The following PEX16 variants were observed in gnomAD, a reference collection of about 807,000 sequenced individuals.
The protein encoded by PEX16 is peroxisomal biogenesis factor 16, also known as peroxin 16.
PEX16 carries 37 observed loss-of-function variants against 50.5 expected under a neutral mutation model. The observed-to-expected ratio is 0.73, with a 90% confidence interval of 0.56 to 0.96. The LOEUF (loss-of-function observed/expected upper bound fraction) is 0.96, where lower values mean the gene tolerates loss of function less well. Among genes scored for constraint, PEX16 ranks in the 40% least tolerant of loss-of-function variants. The pLI is 0.00. For synonymous variants in PEX16, 185 were observed against 190.3 expected, an observed-to-expected ratio of 0.97 and a Z score of 0.23; for missense variants, 401 against 438.3, an observed-to-expected ratio of 0.91 and a Z score of 0.76.
chr11:45,912,550 C>T (rs936806257), intron 9 of PEX16, among the ~76,000 whole-genome samples: 11 of 152,154 alleles, frequency 7.2e-5, no homozygotes, highest in African/African-American at 2.7e-4. Context: ...GTCACCCAGA[C>T]TGGAGTGCAG....
chr11:45,915,909 G>A, intron 3 of PEX16, 73 bp from the exon 4 acceptor site: 1 of 1,443,668 alleles, frequency 6.9e-7, no homozygotes, highest in Non-Finnish European at 9.7e-7. Flanking sequence ...TCCTAGGAGG[G>A]AGCTTCTCTG....
Position 45,909,879 on chromosome 11 carries a change from G to A in PEX16, c.*375C>T, listed in dbSNP as rs903354322. 1.2e-4 allele frequency: 70 copies of A among 597,014 alleles called. No individual in the cohort carries two copies. Among genetic ancestry groups the A allele is most frequent in the South Asian group, 4.6e-4 (24 of 51,808 alleles). 37.0% of individuals were successfully genotyped at this position (597,014 alleles called of 1,614,324 possible). On this transcript the variant is annotated 3_prime_UTR_variant, in exon 11 of 11. Coordinates refer to ENST00000378750, the MANE Select transcript of PEX16 (RefSeq NM_004813.4). Reference sequence around the variant, plus strand: ...GCTGGGCAGCGTTCAGCCATCACCCGGGTTCAGGCTTCCTGTCCTCACCAG... The same window carrying A: ...GCTGGGCAGCGTTCAGCCATCACCCAGGTTCAGGCTTCCTGTCCTCACCAG...
chr11:45,914,293 A>G, intron 7 of PEX16, 23 bp downstream of exon 7: 1 of 1,613,614 alleles, frequency 6.2e-7, no homozygotes, highest in Non-Finnish European at 8.5e-7. Context: ...TGCCAGCCCT[A>G]TCCTGCCCCG....
In PEX16 at chr11:45,913,892, G is replaced by C. The variant is rs560024236; in HGVS notation, c.814C>G (p.Arg272Gly). The change falls in exon 9 of 11, where the codon CGG (arginine) becomes GGG (glycine). Residue 272 changes from arginine (R) to glycine (G), a missense_variant. Physicochemically the swap from Arg to Gly is moderately radical, Grantham distance 125. Transcript: ENST00000378750. ...DRKGLTRRERRELRRRTILLL... is the reference protein window; with the variant it reads ...DRKGLTRRERGELRRRTILLL... ...AGGATGGTCCGGCGCCGCAGCTCCC[G>C]CCGCTCCCTCCGGGTCAGGCCCTTT... The C allele has an allele frequency of 6.2e-7, 1 of 1,613,432 alleles. No individual in the cohort carries two copies. The highest frequency in any genetic ancestry group is 1.1e-5 in the South Asian group (1 of 91,084).
At position 45,916,075 on chromosome 11, in the gene PEX16, T is replaced by C. The variant is rs1158390924; in HGVS notation, c.225+152A>G. ...TCATCTAAGATGGGAATACTCACAC[T>C]TTACAGGTCACCTAATGAGATGGTT... On this transcript the variant is annotated intron_variant, in intron 3 of 10. Transcript: ENST00000378750. 5.0e-6 allele frequency: 4 copies of C among 794,720 alleles called. No homozygotes were observed. The African/African-American group carries it at 6.7e-5, about 13-fold the overall frequency. 49.2% of individuals were successfully genotyped at this position (794,720 alleles called of 1,614,324 possible).
chr11:45,916,924 C>T (rs1436295804), intron 2 of PEX16: 3 of 436,220 alleles, frequency 6.9e-6, no homozygotes, highest in African/African-American at 6.0e-5. Context: ...CCTGCCTCTG[C>T]CTCCCAAAGT....
chr11:45,913,879 C>T lies in PEX16; in HGVS notation c.827G>A (p.Arg276His), dbSNP rs1420647698. ...LTRRERRELR[R>H]RTILLLYYLL... is the part of the protein sequence containing the mutation. Reference sequence around the variant, plus strand: ...GTAGTAGAGCAGCAGGATGGTCCGGCGCCGCAGCTCCCGCCGCTCCCTCCG... The same window carrying T: ...GTAGTAGAGCAGCAGGATGGTCCGGTGCCGCAGCTCCCGCCGCTCCCTCCG... Residue 276 changes from arginine (R) to histidine (H), a missense_variant, in exon 9 of 11, where the codon CGC becomes CAC. Arg to His is a conservative substitution (Grantham distance 29, BLOSUM62 0). Transcript: ENST00000378750. 4 of 1,612,176 alleles carry T rather than the reference C, an allele frequency of 2.5e-6. No homozygotes were observed. Among genetic ancestry groups the T allele is most frequent in the Admixed American group, 1.7e-5 (1 of 59,954 alleles).
rs143868125 is a variant in PEX16, at chr11:45,909,878, C to G, written c.*376G>C. On this transcript the variant is annotated 3_prime_UTR_variant, in exon 11 of 11. Transcript: ENST00000378750. ...CGCTGGGCAGCGTTCAGCCATCACCCGGGTTCAGGCTTCCTGTCCTCACCA... is the reference window on the plus strand; with the variant it reads ...CGCTGGGCAGCGTTCAGCCATCACCGGGGTTCAGGCTTCCTGTCCTCACCA... 7.5e-3 allele frequency: 4,461 copies of G among 597,212 alleles called. 131 individuals carry two copies. The highest frequency in any genetic ancestry group is 0.068 in the African/African-American group (3,678 of 54,066). 37.0% of individuals were successfully genotyped at this position (597,212 alleles called of 1,614,324 possible).
intron 2 of PEX16, chr11:45,917,094 G>T: frequency 3.5e-6 from 2 of 570,446 alleles, no homozygotes; most frequent in Non-Finnish European, 6.6e-6. Context: ...CTTGAATCTT[G>T]GTTCTGGGAC....
At chr11:45,914,944 T>C (rs974037578) in intron 5 of PEX16, among the ~76,000 whole-genome samples, 1 of 152,172 alleles carries the variant, frequency 6.6e-6, no homozygotes, top group Non-Finnish European at 1.5e-5. Context: ...CCGGAACCCA[T>C]GGACAGGCAA....
chr11:45,910,588 G>T (rs1460979811), intron 10 of PEX16, among the ~76,000 whole-genome samples: 2 of 152,196 alleles, frequency 1.3e-5, no homozygotes, highest in East Asian at 3.9e-4. Flanking sequence ...CAGCAGCCCG[G>T]TGGACCCCTT....
At chr11:45,910,417 T>TCCTGG in intron 10 of PEX16, 105 bp from the exon 11 acceptor site, 1 of 909,300 alleles carries the variant, frequency 1.1e-6, no homozygotes, top group Non-Finnish European at 1.8e-6. Flanking sequence ...CCCAGCTGGC[T>TCCTGG]GTCTTGCCCT....
chr11:45,913,910 G>A lies in PEX16; in HGVS notation c.796C>T (p.Leu266=), dbSNP rs2134691972. The A allele has an allele frequency of 1.2e-6, 2 of 1,613,372 alleles. No homozygotes were observed. The highest frequency in any genetic ancestry group is 1.7e-6 in the Non-Finnish European group (2 of 1,179,988). The change falls in exon 9 of 11, where the codon CTG becomes TTG. Residue 266 remains leucine, a synonymous_variant. Coordinates refer to ENST00000378750, the MANE Select transcript of PEX16 (RefSeq NM_004813.4). ...AGCTCCCGCCGCTCCCTCCGGGTCA[G>A]GCCCTTTCTGTCACTCAGGAGGCTC... is the stretch of plus-strand genomic sequence containing the variant. ...SLSLLSDRKG[L]TRRERRELRR...
chr11:45,910,999 G>A, intron 9 of PEX16, 37 bp from the exon 10 acceptor site: 2 of 1,471,668 alleles, frequency 1.4e-6, no homozygotes, highest in Non-Finnish European at 1.9e-6. Context: ...AGCTGAGTGG[G>A]GTGGGGGTGG....
chr11:45,915,873 G>A (rs376561776), intron 3 of PEX16, 37 bp from the exon 4 acceptor site: 5 of 1,607,086 alleles, frequency 3.1e-6, no homozygotes, highest in Non-Finnish European at 4.3e-6. Flanking sequence ...AGGGGGCCTG[G>A]GACTACAGGG....
chr11:45,915,835 G>C lies in PEX16; in HGVS notation c.227C>G (p.Ser76Trp). ...RKELRKKLPV[S>W]LSQQKLLTWL... ...TGTCAGCAGCTTCTGCTGGGACAGCGACTGCAAGAACCCCAGGCCAAGAAG... is the reference window on the plus strand; with the variant it reads ...TGTCAGCAGCTTCTGCTGGGACAGCCACTGCAAGAACCCCAGGCCAAGAAG... Residue 76 changes from serine (S) to tryptophan (W), a missense_variant and splice_region_variant, in exon 4 of 11, where the codon TCG becomes TGG. Transcript: ENST00000378750. The C allele has an allele frequency of 1.9e-6, 3 of 1,613,626 alleles. No homozygotes were observed. The South Asian group carries it at 3.3e-5, about 18-fold the overall frequency.
chr11:45,915,399 TGGTTGG>T (rs1391057850), intron 5 of PEX16, 63 bp downstream of exon 5: 36 of 1,152,544 alleles, frequency 3.1e-5, no homozygotes, highest in Non-Finnish European at 4.6e-5. Context: ...GTATTCATGC[TGGTTGG>T]ATCTAAATCC....
At chr11:45,914,758 G>A in intron 5 of PEX16, 74 bp from the exon 6 acceptor site, 1 of 1,261,982 alleles carries the variant, frequency 7.9e-7, no homozygotes, top group Non-Finnish European at 1.2e-6. Flanking sequence ...AACGTGTGCA[G>A]TGAATGCTCA....
At chr11:45,915,105 G>T (rs550677763) in intron 5 of PEX16, among the ~76,000 whole-genome samples, 2 of 152,358 alleles carry the variant, frequency 1.3e-5, no homozygotes, top group South Asian at 4.1e-4. Flanking sequence ...GAAGCTGACG[G>T]GATGGGCCCA....
Sources: allele counts gnomAD v4.1 joint callset (sites outside exome capture counted in the v4.1 genomes callset), GRCh38; gene constraint gnomAD v4.1.1; transcripts MANE v1.5; gene names NCBI Gene and HGNC (gene_info 2026-07-23, HGNC 2026-07-21).